Variants in BAZ1A observed in about 807,000 individuals in gnomAD.
BAZ1A encodes the protein bromodomain adjacent to zinc finger domain 1A.
A neutral mutation model predicts 185.2 loss-of-function variants in BAZ1A; 50 were observed. The observed-to-expected ratio is 0.27, with a 90% CI of 0.22 to 0.34. The LOEUF (loss-of-function observed/expected upper bound fraction) is 0.34, where lower values mean the gene tolerates loss of function less well. BAZ1A is among the 10% of genes least tolerant of loss of function. BAZ1A has a pLI of 1.00. For synonymous variants in BAZ1A, 571 were observed against 615.6 expected, an observed-to-expected ratio of 0.93 and a Z score of 1.07; for missense variants, 1,356 against 1,839.9, an observed-to-expected ratio of 0.74 and a Z score of 4.81.
chr14:34,779,771 CT>C (rs1156262793), intron 17 of BAZ1A, among the ~76,000 whole-genome samples: 1 of 152,094 alleles, frequency 6.6e-6, no homozygotes, highest in Non-Finnish European at 1.5e-5. Flanking sequence ...CATTATTGAT[CT>C]TTATATCTCT....
chr14:34,783,882 G>A lies in BAZ1A; in HGVS notation c.1877C>T (p.Thr626Ile). The A allele has an allele frequency of 6.2e-7, 1 of 1,611,872 alleles. No individual in the cohort carries two copies. Among genetic ancestry groups the A allele is most frequent in the Non-Finnish European group, 8.5e-7 (1 of 1,179,258 alleles). The part of the protein sequence containing the change: ...ILHALCGKLL[T>I]LVSTRDFIED... ...AATAAAATCCCTAGTTGAAACTAGG[G>A]TCAGTAGCTTTCCACAGAGAGCATG... Residue 626 changes from threonine to isoleucine, a missense_variant, in exon 15 of 27, where the codon ACC (threonine) becomes ATC (isoleucine). Physicochemically the swap from Thr to Ile is moderately conservative, Grantham distance 89. Coordinates refer to ENST00000360310, the MANE Select transcript of BAZ1A (RefSeq NM_013448.3).
intron 3 of BAZ1A, among the ~76,000 whole-genome samples, chr14:34,842,791 G>A (rs939077672): frequency 6.6e-6 from 1 of 152,070 alleles, no homozygotes; most frequent in African/African-American, 2.4e-5. Context: ...CATCACTCAT[G>A]ACCTTGGGCA....
At position 34,765,164 on chromosome 14, in the gene BAZ1A, AG is replaced by A; in HGVS notation, c.3405del (p.Leu1136TrpfsTer5). The A allele has an allele frequency of 1.9e-6, 3 of 1,614,154 alleles. No homozygotes were observed. Among genetic ancestry groups the A allele is most frequent in the Non-Finnish European group, 2.5e-6 (3 of 1,180,034 alleles). On this transcript the variant is annotated frameshift_variant, in exon 22 of 27. Coordinates refer to ENST00000360310, the MANE Select transcript of BAZ1A (RefSeq NM_013448.3). LOFTEE classifies it high-confidence loss of function. ...TTAGACCATATCACGCTACGATCCA[AG>A]GTGGATAGGTGAAGAAAAACTTGGG... ...SLSQVFLHLSTLDRSVIWSKS... is the reference protein window; with the variant it reads ...SLSQVFLHLSXLDRSVIWSKS...
intron 11 of BAZ1A, among the ~76,000 whole-genome samples, chr14:34,794,502 G>A (rs1490048746): frequency 6.6e-6 from 1 of 152,140 alleles, no homozygotes; most frequent in African/African-American, 2.4e-5. Flanking sequence ...AGCAGTTTCT[G>A]CTTCCTGCTT....
intron 3 of BAZ1A, among the ~76,000 whole-genome samples, chr14:34,845,884 A>T (rs1357054545): frequency 6.6e-6 from 1 of 151,640 alleles, no homozygotes; most frequent in African/African-American, 2.4e-5. Flanking sequence ...AAAAAAGAAA[A>T]GAAAACTTTG....
chr14:34,801,315 A>G (rs952962626), intron 7 of BAZ1A, 122 bp from the exon 8 acceptor site: 1 of 711,922 alleles, frequency 1.4e-6, no homozygotes, highest in Non-Finnish European at 2.3e-6. Context: ...TTTTTGAGAC[A>G]AAGTCTCGCT....
chr14:34,788,207 A>T (rs1052773755), intron 12 of BAZ1A, among the ~76,000 whole-genome samples: 1 of 152,094 alleles, frequency 6.6e-6, no homozygotes, highest in Non-Finnish European at 1.5e-5. Context: ...TAGTAGAGAC[A>T]GGGTTTCACC....
intron 3 of BAZ1A, among the ~76,000 whole-genome samples, chr14:34,840,216 CAG>C (rs2042392621): frequency 6.6e-6 from 1 of 152,220 alleles, no homozygotes; most frequent in East Asian, 1.9e-4. Flanking sequence ...AGAAAAGCCA[CAG>C]AGTTTTGTGT....
At position 34,771,587 on chromosome 14, in the gene BAZ1A, A is replaced by G. The variant is rs2138574780; in HGVS notation, c.3225T>C (p.Ser1075=). Residue 1075 remains serine, a synonymous_variant, in exon 21 of 27, where the codon AGT becomes AGC. Transcript: ENST00000360310. ...TNASTPQSVS[S]VVHYLAMALF... The stretch of plus-strand genomic sequence containing the variant: ...GTGCCATTGCCAGATAATGAACCAC[A>G]CTGCTCACTGATTGTGGTGTACTTG... 6.2e-7 allele frequency: 1 copy of G among 1,614,154 alleles called. No homozygotes were observed. Among genetic ancestry groups the G allele is most frequent in the Non-Finnish European group, 8.5e-7 (1 of 1,180,008 alleles).
intron 17 of BAZ1A, among the ~76,000 whole-genome samples, chr14:34,779,073 C>T (rs138602384): frequency 2.0e-5 from 3 of 152,270 alleles, no homozygotes; most frequent in Non-Finnish European, 2.9e-5. Flanking sequence ...TGATTTTGAA[C>T]TCCTGGGCTT....
At chr14:34,848,764 AT>A (rs1490052182) in intron 3 of BAZ1A, among the ~76,000 whole-genome samples, 1 of 152,160 alleles carries the variant, frequency 6.6e-6, no homozygotes, top group African/African-American at 2.4e-5. Flanking sequence ...TGGGGATAAT[AT>A]TTGGGGAAAC....
At chr14:34,756,702 G>A (rs1439862152) in intron 25 of BAZ1A, among the ~76,000 whole-genome samples, 1 of 150,970 alleles carries the variant, frequency 6.6e-6, no homozygotes, top group Non-Finnish European at 1.5e-5. Flanking sequence ...CTGATCTTAG[G>A]TGATTCACCG....
intron 17 of BAZ1A, among the ~76,000 whole-genome samples, chr14:34,776,897 G>C (rs775583921): frequency 1.6e-4 from 25 of 152,114 alleles, no homozygotes; most frequent in Non-Finnish European, 2.9e-5. Context: ...CTCCAGAACT[G>C]TGAGAAAAAA....
intron 3 of BAZ1A, among the ~76,000 whole-genome samples, chr14:34,839,651 GGCT>G (rs2042382606): frequency 6.6e-6 from 1 of 151,364 alleles, no homozygotes; most frequent in African/African-American, 2.4e-5. Context: ...AGACCATCCT[GGCT>G]AACATGGAGA....
intron 4 of BAZ1A, chr14:34,816,724 G>T: frequency 3.2e-6 from 1 of 308,638 alleles, no homozygotes; most frequent in Non-Finnish European, 6.6e-6. Flanking sequence ...CCTATACCTG[G>T]CACATCTGGC....
At chr14:34,793,195 C>G (rs1880962850) in intron 11 of BAZ1A, among the ~76,000 whole-genome samples, 1 of 152,058 alleles carries the variant, frequency 6.6e-6, no homozygotes, top group African/African-American at 2.4e-5. Flanking sequence ...AAATTTAAGG[C>G]ACAAATTAAG....
At position 34,753,549 on chromosome 14, in the gene BAZ1A, G is replaced by C; in HGVS notation, c.4630C>G (p.Gln1544Glu). The change falls in exon 27 of 27, where the codon CAA becomes GAA. Residue 1544 changes from glutamine to glutamate, a missense_variant. Gln to Glu is a conservative substitution (Grantham distance 29). Coordinates refer to ENST00000360310, the MANE Select transcript of BAZ1A (RefSeq NM_013448.3). Reference sequence around the variant, plus strand: ...TTCGCAGCCGGTGGTGTGCTAACTTGGTCCACATTACTGGGTGTGACGTGG... The same window carrying C: ...TTCGCAGCCGGTGGTGTGCTAACTTCGTCCACATTACTGGGTGTGACGTGG... The part of the protein sequence containing the change: ...GLHVTPSNVD[Q>E]VSTPPAAKKS... 6.2e-7 allele frequency: 1 copy of C among 1,614,038 alleles called. No individual in the cohort carries two copies. The highest frequency in any genetic ancestry group is 1.3e-5 in the African/African-American group (1 of 74,986).
chr14:34,867,520 T>C (rs1056831126), intron 2 of BAZ1A, among the ~76,000 whole-genome samples: 3 of 152,190 alleles, frequency 2.0e-5, no homozygotes, highest in East Asian at 1.9e-4. Context: ...TGCCTAAAAA[T>C]ACCAAGAACA....
chr14:34,766,912 TA>T (rs559908256), intron 21 of BAZ1A, among the ~76,000 whole-genome samples: 130 of 152,244 alleles, frequency 8.5e-4, no homozygotes, highest in Non-Finnish European at 1.6e-3. Context: ...AAACAGAATA[TA>T]AAATAACTTT....
Sources: allele counts gnomAD v4.1 joint callset (sites outside exome capture counted in the v4.1 genomes callset), GRCh38; gene constraint gnomAD v4.1.1; transcripts MANE v1.5; gene names NCBI Gene and HGNC (gene_info 2026-07-23, HGNC 2026-07-21).